The following SERPINB3 variants were observed in gnomAD, a reference collection of about 807,000 sequenced individuals.
The protein encoded by SERPINB3 is serpin B3.
A neutral mutation model predicts 33.0 loss-of-function variants in SERPINB3; 33 were observed. The observed-to-expected ratio is 1.00, with a 90% CI of 0.76 to 1.34. The LOEUF (loss-of-function observed/expected upper bound fraction) is 1.34. Ranked by LOEUF, SERPINB3 falls within the 40% of genes most tolerant of loss-of-function variation. The probability of loss-of-function intolerance (pLI) is 0.00; values close to 1 mark genes in which losing one functional copy is unlikely to be tolerated. For synonymous variants in SERPINB3, 200 were observed against 170.9 expected (o/e 1.17, Z -1.33); for missense variants, 518 against 461.5 (o/e 1.12, Z -1.12).
At chr18:63,657,142 G>C in intron 6 of SERPINB3, 128 bp downstream of exon 6, 1 of 897,452 alleles carries the variant, frequency 1.1e-6, no homozygotes, top group Non-Finnish European at 1.6e-6. Flanking sequence ...ACTAAATAAA[G>C]TTATAAGACT....
intron 2 of SERPINB3, 85 bp downstream of exon 2, chr18:63,660,967 C>T (rs944319604): frequency 3.7e-6 from 6 of 1,608,276 alleles, no homozygotes; most frequent in South Asian, 1.1e-5. Flanking sequence ...ACCCATCAGA[C>T]CACCACATCT....
Position 63,655,843 on chromosome 18 carries a change from T to C in SERPINB3, c.987A>G (p.Leu329=). ...CTGTAACCTCCACAAAGGCCTTGTG[T>C]AGGACTCCAGATAGCACGAGACCGC... The part of the protein sequence containing the change: ...GSRGLVLSGV[L]HKAFVEVTEE... Residue 329 remains leucine, a synonymous_variant, in exon 8 of 8, where the codon CTA becomes CTG. Coordinates refer to ENST00000283752, the MANE Select transcript of SERPINB3 (RefSeq NM_006919.3). 6.2e-7 allele frequency: 1 copy of C among 1,613,964 alleles called. No individual in the cohort carries two copies.
rs778667573 is a variant in SERPINB3, at chr18:63,655,933, C to T, written c.897G>A (p.Leu299=). Residue 299 remains leucine, a synonymous_variant, in exon 8 of 8, where the codon TTG becomes TTA. Transcript: ENST00000283752. The part of the protein sequence containing the change: ...VEESYDLKDT[L]RTMGMVDIFN... ...AGATATCCACCATTCCCATGGTTCT[C>T]AACGTGTCCTTGAGGTCATAGCTCT... is the stretch of plus-strand genomic sequence containing the variant. The T allele has an allele frequency of 1.2e-6, 2 of 1,614,022 alleles. No homozygotes were observed. Among genetic ancestry groups the T allele is most frequent in the East Asian group, 2.2e-5 (1 of 44,866 alleles).
chr18:63,657,578 C>T (rs1481830783), intron 5 of SERPINB3, among the ~76,000 whole-genome samples, 166 bp from the exon 6 acceptor site: 1 of 152,122 alleles, frequency 6.6e-6, no homozygotes, highest in Non-Finnish European at 1.5e-5. Flanking sequence ...CAGTGGTTCA[C>T]CAGATGCAGC....
intron 5 of SERPINB3, among the ~76,000 whole-genome samples, chr18:63,658,020 G>A (rs1403508202): frequency 6.6e-6 from 1 of 151,768 alleles, no homozygotes; most frequent in Non-Finnish European, 1.5e-5. Flanking sequence ...CCTTGATGGG[G>A]AAGAGAGCTG....
chr18:63,656,433 T>G (rs149148706), intron 7 of SERPINB3, among the ~76,000 whole-genome samples: 1 of 152,204 alleles, frequency 6.6e-6, no homozygotes, highest in African/African-American at 2.4e-5. Context: ...TAGGCTCATC[T>G]TATTTTTCTG....
intron 3 of SERPINB3, among the ~76,000 whole-genome samples, chr18:63,659,951 C>T (rs1913598775): frequency 1.3e-5 from 2 of 152,098 alleles, no homozygotes; most frequent in Non-Finnish European, 2.9e-5. Flanking sequence ...CCTGTTATAC[C>T]TGTTGGTGCT....
At chr18:63,656,572 T>C (rs1259029026) in intron 7 of SERPINB3, among the ~76,000 whole-genome samples, 1 of 152,188 alleles carries the variant, frequency 6.6e-6, no homozygotes, top group Non-Finnish European at 1.5e-5. Flanking sequence ...CCCAGTCAAG[T>C]TTAAATTGCT....
intron 1 of SERPINB3, 102 bp from the exon 2 acceptor site, chr18:63,661,344 T>G: frequency 7.6e-7 from 1 of 1,322,282 alleles, no homozygotes; most frequent in Non-Finnish European, 1.0e-6. Context: ...TTGTGAGATT[T>G]TGACATTTAA....
At chr18:63,657,101 T>A (rs1214988496) in intron 6 of SERPINB3, 115 bp from the exon 7 acceptor site, 1 of 1,024,430 alleles carries the variant, frequency 9.8e-7, no homozygotes, top group East Asian at 2.7e-5. Context: ...ATGTAATGAG[T>A]TAGAGACAAT....
chr18:63,661,474 G>C (rs1913644580), intron 1 of SERPINB3, among the ~76,000 whole-genome samples: 1 of 151,940 alleles, frequency 6.6e-6, no homozygotes, highest in African/African-American at 2.4e-5. Flanking sequence ...CTGTAAATAA[G>C]TAATAGACCC....
At chr18:63,659,212 G>T in intron 4 of SERPINB3, 187 bp downstream of exon 4, 1 of 644,756 alleles carries the variant, frequency 1.6e-6, no homozygotes, top group Non-Finnish European at 2.7e-6. Flanking sequence ...CCACACTTCA[G>T]TGATGTATTG....
chr18:63,658,390 C>G, intron 5 of SERPINB3, 123 bp downstream of exon 5: 1 of 757,296 alleles, frequency 1.3e-6, no homozygotes, highest in Non-Finnish European at 2.2e-6. Context: ...TCTGGAGTGC[C>G]CTCTTCTTCC....
In SERPINB3 at chr18:63,661,311, C is replaced by G. The variant is rs557509967; in HGVS notation, c.-26-69G>C. On this transcript the variant is annotated intron_variant, in intron 1 of 7. Coordinates refer to ENST00000283752, the MANE Select transcript of SERPINB3 (RefSeq NM_006919.3). ...GAATGGTATTTTGTAGTACAATTTT[C>G]TTAAAGAAATTATATATCTGTGTTG... The G allele has an allele frequency of 2.8e-4, 416 of 1,471,788 alleles. 1 individual carries two copies. The African/African-American group carries it at 5.4e-3, about 19-fold the overall frequency. 91.2% of individuals were successfully genotyped at this position (1,471,788 alleles called of 1,614,324 possible). A position where few individuals can be genotyped will look rare whatever the true frequency, so the allele number is the denominator to read the frequency against.
chr18:63,656,771 T>G, intron 7 of SERPINB3, 60 bp downstream of exon 7: 1 of 1,530,450 alleles, frequency 6.5e-7, no homozygotes, highest in Non-Finnish European at 8.9e-7. Flanking sequence ...TTGTTTAAAC[T>G]TGGTATCTTT....
At chr18:63,660,940 G>A in intron 2 of SERPINB3, 84 bp from the exon 3 acceptor site, 2 of 1,611,186 alleles carry the variant, frequency 1.2e-6, no homozygotes, top group Non-Finnish European at 8.5e-7. Context: ...GGGAATTCCT[G>A]CTCAGCCCCC....
chr18:63,660,339 C>G (rs1913608786), intron 3 of SERPINB3, among the ~76,000 whole-genome samples: 2 of 151,996 alleles, frequency 1.3e-5, no homozygotes, highest in African/African-American at 4.8e-5. Flanking sequence ...AAATATTTTG[C>G]AACATTATTG....
Position 63,657,199 on chromosome 18 carries a change from A to C in SERPINB3, c.612+71T>G, listed in dbSNP as rs927940198. The C allele has an allele frequency of 6.4e-6, 6 of 935,368 alleles. 1 individual carries two copies. Among genetic ancestry groups the C allele is most frequent in the Middle Eastern group, 6.3e-4 (2 of 3,158 alleles). 57.9% of individuals were successfully genotyped at this position (935,368 alleles called of 1,614,324 possible). A position where few individuals can be genotyped will look rare whatever the true frequency, so the allele number is the denominator to read the frequency against. On this transcript the variant is annotated intron_variant, in intron 6 of 7. Coordinates refer to ENST00000283752, the MANE Select transcript of SERPINB3 (RefSeq NM_006919.3). Reference sequence around the variant, plus strand: ...TGAACAATTTTATTTTTTACTTGTCATGGTACATTCCATCAGAAATGTTTA... The same window carrying C: ...TGAACAATTTTATTTTTTACTTGTCCTGGTACATTCCATCAGAAATGTTTA...
intron 3 of SERPINB3, among the ~76,000 whole-genome samples, 187 bp from the exon 4 acceptor site, chr18:63,659,714 C>T (rs1913592470): frequency 6.6e-6 from 1 of 152,116 alleles, no homozygotes; most frequent in Admixed American, 6.6e-5. Context: ...TCACTTCTTC[C>T]AGGAAATTCT....
Sources: gnomAD v4.1 joint callset for allele counts (sites outside exome capture counted in the v4.1 genomes callset) on GRCh38, gnomAD v4.1.1 for gene constraint, MANE v1.5 for transcripts, NCBI Gene and HGNC (gene_info 2026-07-23, HGNC 2026-07-21) for gene names.